The following PTPRA variants were observed in gnomAD, a reference collection of about 807,000 sequenced individuals.
PTPRA encodes the protein protein tyrosine phosphatase receptor type A.
Under a neutral mutation model 104.8 loss-of-function variants are expected in PTPRA, and 25 were observed. The ratio of observed to expected loss-of-function variants is 0.24; its 90% CI spans 0.17 to 0.33. The LOEUF is 0.33. Ranked by LOEUF, PTPRA falls within the 10% of genes least tolerant of loss-of-function variation. The pLI, the probability that PTPRA is intolerant of heterozygous loss-of-function variation, is 1.00. For missense variants in PTPRA, 765 were observed against 1,015.3 expected, an observed-to-expected ratio of 0.75 and a Z score of 3.35; for synonymous variants, 323 against 368.9, an observed-to-expected ratio of 0.88 and a Z score of 1.43.
At chr20:2,879,991 C>A (rs1395662367) in intron 1 of PTPRA, among the ~76,000 whole-genome samples, 3 of 152,248 alleles carry the variant, frequency 2.0e-5, no homozygotes, top group South Asian at 2.1e-4. Context: ...CCAGGTGATT[C>A]TAATGTGTAG....
intron 3 of PTPRA, among the ~76,000 whole-genome samples, chr20:2,961,872 G>T (rs1330515975): frequency 6.6e-6 from 1 of 152,114 alleles, no homozygotes; most frequent in Non-Finnish European, 1.5e-5. Context: ...AGACTATCTT[G>T]CTCCATTTTA....
At chr20:2,870,716 C>G (rs966599103), upstream of PTPRA, among the ~76,000 whole-genome samples, 6 of 152,196 alleles carry the variant, frequency 3.9e-5, no homozygotes, top group Non-Finnish European at 8.8e-5. Flanking sequence ...GTCCTTTCCC[C>G]CCATCCTCCA....
At chr20:3,001,929 C>T (rs2148266212) in intron 9 of PTPRA, among the ~76,000 whole-genome samples, 1 of 152,246 alleles carries the variant, frequency 6.6e-6, no homozygotes, top group East Asian at 1.9e-4. Flanking sequence ...TCTTAAAGCT[C>T]TTGCTTCCCA....
intron 16 of PTPRA, among the ~76,000 whole-genome samples, chr20:3,023,240 G>C (rs571319909): frequency 9.8e-5 from 15 of 152,358 alleles, no homozygotes; most frequent in African/African-American, 3.1e-4. Context: ...ACTGCGGAAG[G>C]CCGCAGGGAC....
At chr20:2,993,769 T>C (rs952651481) in intron 9 of PTPRA, among the ~76,000 whole-genome samples, 7 of 152,234 alleles carry the variant, frequency 4.6e-5, no homozygotes, top group Admixed American at 4.6e-4. Context: ...ATGGTTCTTA[T>C]CCAGTGGGCT....
intron 1 of PTPRA, among the ~76,000 whole-genome samples, chr20:2,896,245 G>A (rs1388672899): frequency 6.6e-6 from 1 of 152,096 alleles, no homozygotes; most frequent in Non-Finnish European, 1.5e-5. Flanking sequence ...CGGGCATGGT[G>A]GTGGGTGCCT....
chr20:2,871,984 A>G (rs567933438), upstream of PTPRA, among the ~76,000 whole-genome samples: 6 of 152,350 alleles, frequency 3.9e-5, no homozygotes, highest in South Asian at 1.2e-3. Flanking sequence ...CGCCCCACCC[A>G]TATTCCCAGG....
intron 2 of PTPRA, among the ~76,000 whole-genome samples, chr20:2,938,916 T>A (rs964051156): frequency 4.6e-5 from 7 of 152,140 alleles, no homozygotes; most frequent in African/African-American, 1.7e-4. Flanking sequence ...TTCATTCAAG[T>A]TGAGATTTTC....
At chr20:3,032,990 A>G (rs2065580966) in intron 20 of PTPRA, among the ~76,000 whole-genome samples, 1 of 151,444 alleles carries the variant, frequency 6.6e-6, no homozygotes, top group Admixed American at 6.6e-5. Flanking sequence ...TTACTTCCGT[A>G]GCATCACCCC....
intron 20 of PTPRA, among the ~76,000 whole-genome samples, chr20:3,032,915 T>C (rs1457938612): frequency 6.6e-6 from 1 of 151,832 alleles, no homozygotes; most frequent in Non-Finnish European, 1.5e-5. Context: ...TTTCTGATTT[T>C]TTTTTTTTTG....
At chr20:2,887,267 A>G (rs925456071) in intron 1 of PTPRA, among the ~76,000 whole-genome samples, 2 of 152,204 alleles carry the variant, frequency 1.3e-5, no homozygotes, top group Non-Finnish European at 2.9e-5. Context: ...GTTTTGTAGT[A>G]TTTATAGGTA....
At chr20:2,968,497 C>CT (rs367832776) in intron 5 of PTPRA, among the ~76,000 whole-genome samples, 113 of 115,272 alleles carry the variant, frequency 9.8e-4, no homozygotes, top group African/African-American at 1.9e-3. Flanking sequence ...CCCCCTCTTC[C>CT]TTTTTTTTTT....
In PTPRA at chr20:3,035,268, G is replaced by A. The variant is rs2065739067; in HGVS notation, c.1921-317G>A. On this transcript the variant is annotated intron_variant, in intron 20 of 23. Transcript: ENST00000399903. This position sits in a 1 kb window ranked among gnomAD's most constrained non-coding sequence, Gnocchi z 5.8. ...GCATTAAATATGAAAACACCCCATG[G>A]GAGAAAAAGAAAGGAATTGGAACAA... 6.6e-6 allele frequency among the ~76,000 whole-genome samples: 1 copy of A among 152,084 alleles called. No individual in the cohort carries two copies. Among genetic ancestry groups the A allele is most frequent in the Non-Finnish European group, 1.5e-5 (1 of 68,010 alleles).
chr20:2,894,142 A>G (rs2058902453), intron 1 of PTPRA, among the ~76,000 whole-genome samples: 1 of 152,192 alleles, frequency 6.6e-6, no homozygotes. Flanking sequence ...GAATAATTTT[A>G]TATGAGGTTT....
chr20:2,900,211 G>A (rs565578529), intron 1 of PTPRA, among the ~76,000 whole-genome samples: 5 of 151,858 alleles, frequency 3.3e-5, no homozygotes, highest in Admixed American at 2.6e-4. Context: ...AGGCGGTAGC[G>A]CAGTGACACG....
In PTPRA at chr20:2,962,527, A is replaced by G. The variant is rs568411468; in HGVS notation, c.-6-1745A>G. On this transcript the variant is annotated intron_variant, in intron 3 of 23. Transcript: ENST00000399903. ...TTATCAAGAATAGACATGTATACAT[A>G]TACATATATAATAGTCAGCCTTCCA... Among the ~76,000 whole-genome samples the G allele has an allele frequency of 7.8e-4, 119 of 152,328 alleles. 1 individual carries two copies. The highest frequency in any genetic ancestry group is 2.5e-3 in the South Asian group (12 of 4,824).
intron 1 of PTPRA, among the ~76,000 whole-genome samples, chr20:2,896,332 T>TCA: frequency 6.6e-6 from 1 of 152,190 alleles, no homozygotes; most frequent in Non-Finnish European, 1.5e-5. Flanking sequence ...TGAGCCGAGA[T>TCA]AGTGCCACTG....
chr20:2,985,766 C>T (rs2062873325), intron 6 of PTPRA, among the ~76,000 whole-genome samples: 1 of 152,148 alleles, frequency 6.6e-6, no homozygotes, highest in South Asian at 2.1e-4. Context: ...CTAATAATGT[C>T]TCCTTGTTTT....
Position 3,027,337 on chromosome 20 carries a change from A to T in PTPRA, c.1785+140A>T, listed in dbSNP as rs768481258. The stretch of plus-strand genomic sequence containing the variant: ...ATAGTGAATTGATACTCACCCACCC[A>T]CTCACCCTGTGCATTAGGTCTGTCC... On this transcript the variant is annotated intron_variant, in intron 19 of 23. Coordinates refer to ENST00000399903, the MANE Select transcript of PTPRA (RefSeq NM_001385305.1). 419 of 873,146 alleles carry T rather than the reference A, an allele frequency of 4.8e-4. 4 individuals carry two copies. The highest frequency in any genetic ancestry group is 2.1e-4 in the Admixed American group (10 of 47,528). 54.1% of individuals were successfully genotyped at this position (873,146 alleles called of 1,614,324 possible).
Sources: gnomAD v4.1 joint callset for allele counts (sites outside exome capture counted in the v4.1 genomes callset) on GRCh38, gnomAD v4.1.1 for gene constraint, Gnocchi (gnomAD v3.1) non-coding constraint, MANE v1.5 for transcripts, NCBI Gene and HGNC (gene_info 2026-07-23, HGNC 2026-07-21) for gene names.